Variants in TUB observed in about 807,000 individuals in gnomAD.
TUB encodes the protein TUB bipartite transcription factor, also known as tubby protein homolog.
TUB carries 33 observed loss-of-function variants against 59.7 expected under a neutral mutation model. That is an observed-to-expected ratio of 0.55 (90% CI 0.42 to 0.74). TUB has a LOEUF of 0.74. Among genes scored for constraint, TUB ranks in the 30% least tolerant of loss-of-function variants. The probability of loss-of-function intolerance (pLI) is 0.00; values close to 1 mark genes in which losing one functional copy is unlikely to be tolerated. For missense variants in TUB, 659 were observed against 672.0 expected (o/e 0.98, Z 0.21); for synonymous variants, 293 against 256.4 (o/e 1.14, Z -1.36).
At chr11:8,020,387 C>G (rs1171451187) in intron 1 of TUB, among the ~76,000 whole-genome samples, 5 of 152,134 alleles carry the variant, frequency 3.3e-5, no homozygotes, top group Non-Finnish European at 1.5e-5. Context: ...TTCGACAGCC[C>G]TTGTTTGCCT....
intron 2 of TUB, among the ~76,000 whole-genome samples, chr11:8,060,390 G>C (rs1159142603): frequency 6.6e-6 from 1 of 152,166 alleles, no homozygotes; most frequent in Non-Finnish European, 1.5e-5. Context: ...CGGGTTGCTG[G>C]CCACCTCTGA....
At chr11:8,053,562 A>G (rs986254111) in intron 2 of TUB, among the ~76,000 whole-genome samples, 11 of 151,544 alleles carry the variant, frequency 7.3e-5, no homozygotes, top group Non-Finnish European at 1.2e-4. Context: ...GTGCAGTTGC[A>G]CGATCTCGGC....
intron 2 of TUB, among the ~76,000 whole-genome samples, chr11:8,055,975 G>A (rs897610523): frequency 2.0e-5 from 3 of 152,178 alleles, no homozygotes; most frequent in East Asian, 1.9e-4. Flanking sequence ...CAAGAGTCCC[G>A]CTCTCACAGG....
intron 2 of TUB, among the ~76,000 whole-genome samples, chr11:8,049,574 T>TAGATAGATAGATAG (rs1554923425): frequency 4.5e-5 from 4 of 89,750 alleles, no homozygotes; most frequent in Middle Eastern, 5.7e-3. Context: ...TATATATATA[T>TAGATAGATAGATAG]ATATATAGAT....
intron 1 of TUB, among the ~76,000 whole-genome samples, chr11:8,022,607 T>TACA (rs1177248785): frequency 6.6e-6 from 1 of 152,192 alleles, no homozygotes; most frequent in Non-Finnish European, 1.5e-5. Flanking sequence ...ACAACTGTTT[T>TACA]GGCCAGGCGC....
At chr11:8,090,673 G>C in intron 3 of TUB, among the ~76,000 whole-genome samples, 1 of 152,150 alleles carries the variant, frequency 6.6e-6, no homozygotes, top group East Asian at 1.9e-4. Context: ...GTGTCTGCCT[G>C]GCTTCTGACT....
At position 8,101,928 on chromosome 11, in the gene TUB, C is replaced by T. The variant is rs1944325770; in HGVS notation, c.*309C>T. 8.3e-6 allele frequency: 3 copies of T among 361,602 alleles called. No individual in the cohort carries two copies. Among genetic ancestry groups the T allele is most frequent in the Admixed American group, 8.4e-5 (2 of 23,834 alleles). 22.4% of individuals were successfully genotyped at this position (361,602 alleles called of 1,614,324 possible). A position where few individuals can be genotyped will look rare whatever the true frequency, so the allele number is the denominator to read the frequency against. ...TAGTCGTACTTACCAAGCTGAGCAACCTCTTCAGCTGGGAAGGCCGCAAGA... is the reference window on the plus strand; with the variant it reads ...TAGTCGTACTTACCAAGCTGAGCAATCTCTTCAGCTGGGAAGGCCGCAAGA... On this transcript the variant is annotated 3_prime_UTR_variant, in exon 12 of 12. Transcript: ENST00000299506.
intron 1 of TUB, among the ~76,000 whole-genome samples, chr11:8,084,663 G>A (rs1017566726): frequency 6.6e-6 from 1 of 152,146 alleles, no homozygotes; most frequent in African/African-American, 2.4e-5. Context: ...TCTGGTTCCT[G>A]GTCATGTCCC....
chr11:8,062,067 C>T (rs561621940), intron 2 of TUB: 1 of 152,936 alleles, frequency 6.5e-6, no homozygotes, highest in Admixed American at 6.5e-5. Context: ...TGTTTCCTGA[C>T]AACAGGCTGG....
In TUB at chr11:8,057,648, A is replaced by C. The variant is rs558076397; in HGVS notation, c.203+17956A>C. On this transcript the variant is annotated intron_variant, in intron 2 of 12. Coordinates refer to the TUB transcript ENST00000305253. ...ACCCTCCTTATCTTGTCCCCTGCGAAGTCACGGAGGTTTGGGGAGTTCCTT... is the reference window on the plus strand; with the variant it reads ...ACCCTCCTTATCTTGTCCCCTGCGACGTCACGGAGGTTTGGGGAGTTCCTT... Among the ~76,000 whole-genome samples the C allele has an allele frequency of 7.9e-5, 12 of 152,204 alleles. No individual in the cohort carries two copies. The South Asian group carries it at 2.5e-3, about 32-fold the overall frequency.
At chr11:8,074,316 G>C (rs907659449) in intron 2 of TUB, among the ~76,000 whole-genome samples, 1 of 152,150 alleles carries the variant, frequency 6.6e-6, no homozygotes, top group Non-Finnish European at 1.5e-5. Context: ...ACACTGGACT[G>C]TGTCTCTCAC....
rs1306557373 is a variant in TUB at position 8,081,531 on chromosome 11, C to A, written c.21C>A (p.Ser7=). The change falls in exon 1 of 12, where the codon TCC becomes TCA. Residue 7 remains serine (S), a synonymous_variant. Coordinates refer to ENST00000299506, the MANE Select transcript of TUB (RefSeq NM_177972.3). The part of the protein sequence containing the change: MTSKPH[S]DWIPYSVLDD... Reference sequence around the variant, plus strand: ...GAGACATGACTTCCAAGCCGCATTCCGACTGGATTCCCTACAGGTACGCGG... The same window carrying A: ...GAGACATGACTTCCAAGCCGCATTCAGACTGGATTCCCTACAGGTACGCGG... 1 of 1,552,436 alleles carries A rather than the reference C, an allele frequency of 6.4e-7. No individual in the cohort carries two copies. Among genetic ancestry groups the A allele is most frequent in the Admixed American group, 1.9e-5 (1 of 52,534 alleles).
At position 8,028,436 on chromosome 11, in the gene TUB, G is replaced by A. The variant is rs929151595; in HGVS notation, c.56+9078G>A. Reference sequence around the variant, plus strand: ...CCTTTGAAGCACAAGCTTTAATTTTGATGAAGTCCAATTTGTCTTTTTTCT... The same window carrying A: ...CCTTTGAAGCACAAGCTTTAATTTTAATGAAGTCCAATTTGTCTTTTTTCT... On this transcript the variant is annotated intron_variant, in intron 1 of 11. Coordinates refer to the TUB transcript ENST00000534099. 3.0e-4 allele frequency among the ~76,000 whole-genome samples: 46 copies of A among 152,104 alleles called. 1 individual carries two copies. The highest frequency in any genetic ancestry group is 1.1e-3 in the African/African-American group (46 of 41,412).
chr11:8,078,895 G>A (rs1465952191), upstream of TUB, among the ~76,000 whole-genome samples: 1 of 151,760 alleles, frequency 6.6e-6, no homozygotes, highest in Non-Finnish European at 1.5e-5. Context: ...GTACACTGGC[G>A]CTCAGTCCCA....
rs754190421 is a variant in TUB, at chr11:8,100,591, G to A, written c.1205G>A (p.Arg402His). Residue 402 changes from arginine to histidine, a missense_variant, in exon 10 of 12, where the codon CGC (arginine) becomes CAC (histidine). This residue lies in a region of TUB where 226 missense variants were observed against 210.8 expected (regional missense o/e 1.07). Transcript: ENST00000299506. ...ATGGTTCATGAGAGAGTCTCTATCC[G>A]CCCCCGCAACGTGAGTGTCTACCCC... is the stretch of plus-strand genomic sequence containing the variant. Reference protein sequence around the residue: ...MNMVHERVSIRPRNEHETLLA... With the variant: ...MNMVHERVSIHPRNEHETLLA... 3.0e-5 allele frequency: 48 copies of A among 1,613,708 alleles called. No homozygotes were observed. Among genetic ancestry groups the A allele is most frequent in the African/African-American group, 5.3e-5 (4 of 74,850 alleles).
intron 2 of TUB, among the ~76,000 whole-genome samples, chr11:8,073,470 T>C (rs1016520316): frequency 2.0e-5 from 3 of 152,220 alleles, no homozygotes; most frequent in African/African-American, 7.2e-5. Flanking sequence ...CACAAACTCA[T>C]AGGCTTTTCT....
intron 1 of TUB, among the ~76,000 whole-genome samples, chr11:8,023,872 C>T (rs1278460966): frequency 2.0e-5 from 3 of 152,240 alleles, no homozygotes; most frequent in South Asian, 2.1e-4. Flanking sequence ...ACTCAAGCTT[C>T]AGTCGTTATC....
chr11:8,045,236 A>C (rs924524319), intron 2 of TUB, among the ~76,000 whole-genome samples: 1 of 152,160 alleles, frequency 6.6e-6, no homozygotes, highest in Non-Finnish European at 1.5e-5. Context: ...TATGGTTGAA[A>C]GTGGCTTATT....
intron 2 of TUB, among the ~76,000 whole-genome samples, chr11:8,049,964 C>T (rs1316499739): frequency 6.6e-6 from 1 of 152,132 alleles, no homozygotes; most frequent in East Asian, 1.9e-4. Flanking sequence ...TTTGCCAGCC[C>T]CCTAGAAGCC....
Sources: gnomAD v4.1 joint callset for allele counts (sites outside exome capture counted in the v4.1 genomes callset) on GRCh38, gnomAD v4.1.1 for gene constraint, gnomAD v4.1.1 regional missense constraint, MANE v1.5 for transcripts, NCBI Gene and HGNC (gene_info 2026-07-23, HGNC 2026-07-21) for gene names.